Variants in MUSK observed in about 807,000 individuals in gnomAD.
The protein encoded by MUSK is muscle associated receptor tyrosine kinase, also known as muscle, skeletal receptor tyrosine-protein kinase.
A neutral mutation model predicts 88.7 loss-of-function variants in MUSK; 55 were observed. The ratio of observed to expected loss-of-function variants is 0.62; its 90% CI spans 0.50 to 0.78. The LOEUF (loss-of-function observed/expected upper bound fraction) is 0.78. Ranked by LOEUF, MUSK falls within the 30% of genes least tolerant of loss-of-function variation. MUSK has a pLI of 0.00. For synonymous variants in MUSK, 387 were observed against 391.9 expected (o/e 0.99, Z 0.15); for missense variants, 1,015 against 1,074.3 (o/e 0.94, Z 0.77).
chr9:110,722,388 G>GTGGTACAC (rs1564245126), intron 5 of MUSK, among the ~76,000 whole-genome samples: 6 of 151,982 alleles, frequency 3.9e-5, no homozygotes, highest in Non-Finnish European at 8.8e-5. Flanking sequence ...AAATTAGCTG[G>GTGGTACAC]GTGTGGTGGT....
chr9:110,739,003 C>G (rs2077062243), intron 6 of MUSK, among the ~76,000 whole-genome samples: 1 of 152,110 alleles, frequency 6.6e-6, no homozygotes, highest in Non-Finnish European at 1.5e-5. Flanking sequence ...CCAATCAGAT[C>G]TTCTATAAAA....
At chr9:110,706,120 C>T (rs1273730026) in intron 5 of MUSK, 2 of 530,490 alleles carry the variant, frequency 3.8e-6, no homozygotes, top group East Asian at 5.5e-5. Context: ...TGCCCTCCAG[C>T]TAAGATCGTT....
Position 110,775,773 on chromosome 9 carries a change from CA to C in MUSK, c.1185-14del, listed in dbSNP as rs1267461127. 1.2e-6 allele frequency: 2 copies of C among 1,612,500 alleles called. No individual in the cohort carries two copies. Among genetic ancestry groups the C allele is most frequent in the Middle Eastern group, 1.7e-4 (1 of 6,058 alleles). ...TAATGATTCATCAAGTTTTGTTCTC[CA>C]TATACTATTTTAGAGAGTACTGCTT... On this transcript the variant is annotated splice_polypyrimidine_tract_variant and intron_variant, in intron 9 of 14. Transcript: ENST00000374448.
At chr9:110,693,313 C>T (rs769578516) in intron 3 of MUSK, among the ~76,000 whole-genome samples, 1 of 152,126 alleles carries the variant, frequency 6.6e-6, no homozygotes, top group Non-Finnish European at 1.5e-5. Flanking sequence ...CTCATCCATT[C>T]ATGTGGATAT....
At chr9:110,785,835 T>C (rs536670025) in intron 13 of MUSK, 117 bp downstream of exon 13, 25 of 481,376 alleles carry the variant, frequency 5.2e-5, no homozygotes, top group East Asian at 2.7e-4. Context: ...CACACACATA[T>C]ATATATATAT....
chr9:110,687,128 C>A lies in MUSK; in HGVS notation c.218C>A (p.Thr73Asn), dbSNP rs750101214. The A allele has an allele frequency of 3.1e-6, 5 of 1,613,278 alleles. No homozygotes were observed. Among genetic ancestry groups the A allele is most frequent in the South Asian group, 1.1e-5 (1 of 91,012 alleles). Residue 73 changes from threonine (T) to asparagine (N), a missense_variant, in exon 3 of 15, where the codon ACC becomes AAC. Thr to Asn is a moderately conservative substitution (Grantham distance 65). Coordinates refer to ENST00000374448, the MANE Select transcript of MUSK (RefSeq NM_005592.4). ...TCTGTGACCTGCAGACTCTTTGACA[C>A]CCGGTACAGCATCCGGGAGAATGGG... ...RNKILIKLFD[T>N]RYSIRENGQL...
intron 5 of MUSK, among the ~76,000 whole-genome samples, chr9:110,711,223 G>C (rs1041539561): frequency 6.6e-5 from 10 of 152,104 alleles, no homozygotes; most frequent in African/African-American, 2.2e-4. Context: ...TGCACGTTGT[G>C]CACAGGTACC....
rs778327402 is a variant in MUSK at position 110,710,431 on chromosome 9, G to T, written c.628+12965G>T. Among the ~76,000 whole-genome samples, 120 of 152,136 alleles carry T rather than the reference G, an allele frequency of 7.9e-4. 1 individual carries two copies. Among genetic ancestry groups the T allele is most frequent in the Admixed American group, 4.6e-4 (7 of 15,264 alleles). On this transcript the variant is annotated intron_variant, in intron 5 of 14. Transcript: ENST00000374448. Reference sequence around the variant, plus strand: ...AGTATTTGCTGTTGTTGGTATTGTTGTCTGTTGTTTACATTGTTATAAAGC... The same window carrying T: ...AGTATTTGCTGTTGTTGGTATTGTTTTCTGTTGTTTACATTGTTATAAAGC...
At chr9:110,753,070 T>C (rs1289855486) in intron 7 of MUSK, among the ~76,000 whole-genome samples, 1 of 152,166 alleles carries the variant, frequency 6.6e-6, no homozygotes, top group Non-Finnish European at 1.5e-5. Flanking sequence ...AGACAGCCTA[T>C]GATACCAATA....
At chr9:110,685,687 A>G (rs1307571355) in intron 2 of MUSK, among the ~76,000 whole-genome samples, 1 of 152,128 alleles carries the variant, frequency 6.6e-6, no homozygotes, top group Non-Finnish European at 1.5e-5. Flanking sequence ...AGTGCTTTGA[A>G]CATACATATT....
intron 8 of MUSK, among the ~76,000 whole-genome samples, chr9:110,767,099 C>T (rs184529099): frequency 5.3e-5 from 8 of 152,260 alleles, no homozygotes; most frequent in East Asian, 1.9e-4. Context: ...CACAATAATC[C>T]GAGTTCAGAG....
intron 9 of MUSK, among the ~76,000 whole-genome samples, chr9:110,770,218 T>G (rs2077548259): frequency 6.7e-6 from 1 of 149,812 alleles, no homozygotes; most frequent in African/African-American, 2.4e-5. Flanking sequence ...TATATAATTA[T>G]TTTTATTACA....
At chr9:110,787,909 T>G in intron 14 of MUSK, 71 bp downstream of exon 14, 16 of 1,521,120 alleles carry the variant, frequency 1.1e-5, no homozygotes, top group Non-Finnish European at 1.3e-5. Flanking sequence ...CTCCCCTTGT[T>G]CGTGCTTTTT....
chr9:110,750,369 G>A (rs935652769), intron 7 of MUSK, among the ~76,000 whole-genome samples: 9 of 151,986 alleles, frequency 5.9e-5, no homozygotes, highest in African/African-American at 1.2e-4. Flanking sequence ...GCTAACCCCC[G>A]GATCTCTAGT....
intron 6 of MUSK, among the ~76,000 whole-genome samples, chr9:110,735,674 G>A (rs1229519248): frequency 1.3e-5 from 2 of 152,092 alleles, no homozygotes; most frequent in Non-Finnish European, 2.9e-5. Flanking sequence ...AGAAATACCT[G>A]AGACTGGGTA....
intron 3 of MUSK, 66 bp downstream of exon 3, chr9:110,687,334 T>C: frequency 1.3e-6 from 2 of 1,576,278 alleles, no homozygotes; most frequent in Non-Finnish European, 1.7e-6. Flanking sequence ...TTTGTATTTA[T>C]TTTTTACATT....
At chr9:110,702,947 G>A (rs2076551025) in intron 5 of MUSK, among the ~76,000 whole-genome samples, 4 of 151,252 alleles carry the variant, frequency 2.6e-5, no homozygotes, top group African/African-American at 9.7e-5. Flanking sequence ...TTGGTTCCAG[G>A]CCAAAAAACC....
intron 5 of MUSK, among the ~76,000 whole-genome samples, chr9:110,730,578 G>A (rs1032597803): frequency 3.9e-5 from 6 of 151,980 alleles, no homozygotes; most frequent in Admixed American, 2.6e-4. Context: ...GAAATAATGG[G>A]ATTTACTGTT....
intron 8 of MUSK, among the ~76,000 whole-genome samples, chr9:110,762,873 T>C (rs996713784): frequency 4.6e-5 from 7 of 152,214 alleles, no homozygotes; most frequent in Non-Finnish European, 1.0e-4. Flanking sequence ...TTTGGTTAGA[T>C]AGCAAAAATA....
Sources: gnomAD v4.1 joint callset for allele counts (sites outside exome capture counted in the v4.1 genomes callset) on GRCh38, gnomAD v4.1.1 for gene constraint, MANE v1.5 for transcripts, NCBI Gene and HGNC (gene_info 2026-07-23, HGNC 2026-07-21) for gene names.